Variants in NAV2 observed in about 807,000 individuals in gnomAD.
The protein encoded by NAV2 is neuron navigator 2.
Under a neutral mutation model 223.2 loss-of-function variants are expected in NAV2, and 54 were observed. The ratio of observed to expected loss-of-function variants is 0.24; its 90% CI spans 0.19 to 0.30. The LOEUF (loss-of-function observed/expected upper bound fraction) is 0.30. Ranked by LOEUF, NAV2 falls within the 10% of genes least tolerant of loss-of-function variation. The pLI, the probability that NAV2 is intolerant of heterozygous loss-of-function variation, is 1.00. For synonymous variants in NAV2, 1,279 were observed against 1,239.3 expected (o/e 1.03, Z -0.67); for missense variants, 2,806 against 3,147.5 (o/e 0.89, Z 2.60).
chr11:19,857,679 G>C (rs536584645), intron 3 of NAV2, among the ~76,000 whole-genome samples: 1 of 152,244 alleles, frequency 6.6e-6, no homozygotes, highest in Admixed American at 6.5e-5. Context: ...CTTAAAGTTT[G>C]AGTCCAAGTT....
At chr11:19,413,339 A>G (rs556220278) in intron 1 of NAV2, among the ~76,000 whole-genome samples, 1 of 152,308 alleles carries the variant, frequency 6.6e-6, no homozygotes, top group East Asian at 1.9e-4. Context: ...TTGAGGATCA[A>G]CTTAATGAAA....
rs375101922 is a variant in NAV2 at position 20,092,544 on chromosome 11, G to A, written c.5815+176G>A. Among the ~76,000 whole-genome samples, 38 of 152,288 alleles carry A rather than the reference G, an allele frequency of 2.5e-4. No homozygotes were observed. The East Asian group carries it at 4.1e-3, about 16-fold the overall frequency. ...GTCTGCTACCAACATGAGCCCAGCC[G>A]TTAGACTGCTCTCATGCTTTGCTCC... On this transcript the variant is annotated intron_variant, in intron 28 of 37. Coordinates refer to ENST00000349880, the MANE Select transcript of NAV2 (RefSeq NM_145117.5).
intron 29 of NAV2, among the ~76,000 whole-genome samples, chr11:20,094,792 C>T (rs2061129230): frequency 6.6e-6 from 1 of 152,192 alleles, no homozygotes; most frequent in Non-Finnish European, 1.5e-5. Flanking sequence ...CATGTCACTG[C>T]AAGACTGCTG....
At chr11:20,020,980 A>G (rs2054457443) in intron 11 of NAV2, among the ~76,000 whole-genome samples, 1 of 152,108 alleles carries the variant, frequency 6.6e-6, no homozygotes, top group African/African-American at 2.4e-5. Context: ...CCTCTCTTGA[A>G]AGTCCCTTAT....
At chr11:19,619,595 T>G (rs1004925282) in intron 1 of NAV2, among the ~76,000 whole-genome samples, 1 of 152,238 alleles carries the variant, frequency 6.6e-6, no homozygotes. Flanking sequence ...TCGCCCACTT[T>G]TTGATGGGGT....
chr11:19,919,927 G>A (rs548688528), intron 6 of NAV2, among the ~76,000 whole-genome samples: 7 of 152,014 alleles, frequency 4.6e-5, no homozygotes, highest in Non-Finnish European at 8.8e-5. Context: ...CGAGCCCAGG[G>A]GTTCGAGACC....
intron 11 of NAV2, among the ~76,000 whole-genome samples, chr11:20,003,191 C>T (rs917658986): frequency 6.6e-6 from 1 of 152,168 alleles, no homozygotes; most frequent in African/African-American, 2.4e-5. Flanking sequence ...TGACAAGTAC[C>T]TCCCTCCCCT....
At chr11:19,539,375 C>G (rs1271224320) in intron 1 of NAV2, among the ~76,000 whole-genome samples, 13 of 152,322 alleles carry the variant, frequency 8.5e-5, no homozygotes, top group Middle Eastern at 3.4e-3. Flanking sequence ...AAGTAGATCC[C>G]TCCTCCATCC....
rs1194562194 is a variant in NAV2 at position 19,528,143 on chromosome 11, GCTT to G, written c.75+177122_75+177124del. Reference sequence around the variant, plus strand: ...CGAGGAAACATAGCACACTCCCAGTGCTTCTTCTCCCACCCCAGTTTCATGTTT... The same window carrying G: ...CGAGGAAACATAGCACACTCCCAGTGCTTCTCCCACCCCAGTTTCATGTTT... On this transcript the variant is annotated intron_variant, in intron 1 of 37. Transcript: ENST00000360655. Among the ~76,000 whole-genome samples, 4 of 152,282 alleles carry G rather than the reference GCTT, an allele frequency of 2.6e-5. No individual in the cohort carries two copies. The East Asian group carries it at 7.7e-4, about 29-fold the overall frequency.
chr11:19,860,099 A>T (rs2061642788), intron 3 of NAV2, among the ~76,000 whole-genome samples: 2 of 112,942 alleles, frequency 1.8e-5, no homozygotes, highest in African/African-American at 3.5e-5. Flanking sequence ...GGGGCTCCTC[A>T]CTTCCCAGTA....
At chr11:19,633,886 T>G (rs987928760) in intron 1 of NAV2, among the ~76,000 whole-genome samples, 1 of 152,186 alleles carries the variant, frequency 6.6e-6, no homozygotes, top group African/African-American at 2.4e-5. Context: ...GTCACTTAAC[T>G]TCTCTGAGCT....
chr11:19,702,981 G>C (rs112888587), intron 1 of NAV2, among the ~76,000 whole-genome samples: 277 of 151,058 alleles, frequency 1.8e-3, no homozygotes, highest in African/African-American at 6.4e-3. Flanking sequence ...TTACCCCTCA[G>C]AAAGAACTGC....
intron 1 of NAV2, among the ~76,000 whole-genome samples, chr11:19,758,892 A>T (rs1264015117): frequency 6.6e-6 from 1 of 151,788 alleles, no homozygotes. Flanking sequence ...CTTTTCCACA[A>T]CCCCCAGGAG....
intron 11 of NAV2, among the ~76,000 whole-genome samples, chr11:20,013,869 G>A (rs1262175489): frequency 6.6e-6 from 1 of 152,222 alleles, no homozygotes; most frequent in African/African-American, 2.4e-5. Context: ...GACCTCTGGG[G>A]TGGCAGCCTG....
intron 6 of NAV2, among the ~76,000 whole-genome samples, chr11:19,895,155 G>A (rs1178587864): frequency 7.5e-6 from 1 of 132,668 alleles, no homozygotes; most frequent in Non-Finnish European, 1.5e-5. Flanking sequence ...TGTCAATCAG[G>A]CTGGAGTGCA....
intron 1 of NAV2, among the ~76,000 whole-genome samples, chr11:19,472,540 C>G (rs1320738762): frequency 6.6e-6 from 1 of 152,054 alleles, no homozygotes; most frequent in East Asian, 1.9e-4. Context: ...GTGTAGTAGC[C>G]TCACGCTGTC....
intron 19 of NAV2, among the ~76,000 whole-genome samples, chr11:20,061,414 A>G (rs1321815137): frequency 1.3e-5 from 2 of 152,160 alleles, no homozygotes; most frequent in East Asian, 1.9e-4. Context: ...TACTAAAAAT[A>G]CAAAACTAGC....
chr11:20,043,661 T>G (rs1297328229), intron 12 of NAV2, among the ~76,000 whole-genome samples: 2 of 152,184 alleles, frequency 1.3e-5, no homozygotes, highest in African/African-American at 4.8e-5. Context: ...AGGCTGGTCT[T>G]AAACTTGTGG....
At chr11:19,669,589 G>T (rs966923629) in intron 1 of NAV2, among the ~76,000 whole-genome samples, 1 of 152,248 alleles carries the variant, frequency 6.6e-6, no homozygotes, top group African/African-American at 2.4e-5. Context: ...GTTAGGCATT[G>T]GGTACCATGG....
Sources: allele counts gnomAD v4.1 joint callset (sites outside exome capture counted in the v4.1 genomes callset), GRCh38; gene constraint gnomAD v4.1.1; transcripts MANE v1.5; gene names NCBI Gene and HGNC (gene_info 2026-07-23, HGNC 2026-07-21).